SPMAP2L: variants seen among roughly 807,000 people sequenced by gnomAD.
SPMAP2L encodes the protein sperm microtubule associated protein 2-like.
the SPMAP2L span, among the ~76,000 whole-genome samples, chr4:56,542,566 C>T: frequency 6.6e-6 from 1 of 151,908 alleles, no homozygotes; most frequent in Non-Finnish European, 1.5e-5. Flanking sequence ...CATCAATAGA[C>T]CTTGTCCTCT....
At chr4:56,598,945 T>A in the SPMAP2L span, among the ~76,000 whole-genome samples, 1 of 152,064 alleles carries the variant, frequency 6.6e-6, no homozygotes. Flanking sequence ...TATAAGGGGC[T>A]TCCCCCTTCG....
the SPMAP2L span, among the ~76,000 whole-genome samples, chr4:56,570,569 T>C: frequency 6.6e-6 from 1 of 151,986 alleles, no homozygotes; most frequent in Non-Finnish European, 1.5e-5. Flanking sequence ...AGATAAGAAA[T>C]GGTACACCTG....
At chr4:56,624,619 G>T in the SPMAP2L span, among the ~76,000 whole-genome samples, 1,411 of 152,284 alleles carry the variant, frequency 9.3e-3, 14 homozygotes, top group African/African-American at 0.032. Flanking sequence ...CTCCAGCCTT[G>T]GCTGAAAAGG....
chr4:56,598,258 G>A, the SPMAP2L span, among the ~76,000 whole-genome samples: 139 of 152,298 alleles, frequency 9.1e-4, 2 homozygotes, highest in South Asian at 0.027. Context: ...AGGCAATCTG[G>A]TAGATGTGGT....
At chr4:56,581,825 T>C in the SPMAP2L span, among the ~76,000 whole-genome samples, 27 of 152,136 alleles carry the variant, frequency 1.8e-4, no homozygotes, top group Non-Finnish European at 2.2e-4. Context: ...AGGATAGACA[T>C]TTAGAGCAAT....
chr4:56,562,585 A>G, the SPMAP2L span, among the ~76,000 whole-genome samples: 2 of 152,004 alleles, frequency 1.3e-5, no homozygotes, highest in African/African-American at 2.4e-5. Context: ...CTCTAAATTC[A>G]CTCAAGTGCT....
chr4:56,531,601 T>A, the SPMAP2L span, among the ~76,000 whole-genome samples: 4 of 152,202 alleles, frequency 2.6e-5, 1 homozygote, highest in African/African-American at 4.8e-5. Flanking sequence ...AGGGAGGATA[T>A]TTTCGTCAGT....
At chr4:56,534,591 C>A in the SPMAP2L span, among the ~76,000 whole-genome samples, 1 of 152,154 alleles carries the variant, frequency 6.6e-6, no homozygotes, top group African/African-American at 2.4e-5. Context: ...TATAACCAGT[C>A]ATTGATTTAT....
chr4:56,594,837 A>C, the SPMAP2L span: 6 of 1,594,692 alleles, frequency 3.8e-6, no homozygotes, highest in Admixed American at 1.0e-4. Flanking sequence ...GTCTACCTAG[A>C]CGGGGCAAAT....
chr4:56,613,725 G>A, the SPMAP2L span, among the ~76,000 whole-genome samples: 33,235 of 152,042 alleles, frequency 0.22, 3,921 homozygotes, highest in East Asian at 0.41. Context: ...TTACCACATA[G>A]TTGACTACTG....
the SPMAP2L span, among the ~76,000 whole-genome samples, chr4:56,576,465 T>C: frequency 6.6e-6 from 1 of 152,300 alleles, no homozygotes; most frequent in South Asian, 2.1e-4. Context: ...GTCAGCTTAG[T>C]GGAGGAAAAT....
the SPMAP2L span, among the ~76,000 whole-genome samples, chr4:56,534,750 A>C: frequency 6.6e-6 from 1 of 152,142 alleles, no homozygotes; most frequent in Non-Finnish European, 1.5e-5. Context: ...AACATGGTGA[A>C]ACCCCGTCTC....
At chr4:56,601,230 T>C in the SPMAP2L span, 1 of 996,946 alleles carries the variant, frequency 1.0e-6, no homozygotes, top group Admixed American at 2.9e-5. Context: ...TTCCAAAACA[T>C]CTTACTTAAC....
chr4:56,561,200 T>C, the SPMAP2L span, among the ~76,000 whole-genome samples: 9 of 152,238 alleles, frequency 5.9e-5, no homozygotes, highest in African/African-American at 2.2e-4. Flanking sequence ...TCACTTCATT[T>C]TTTTGAACAC....
chr4:56,585,468 T>G, the SPMAP2L span, among the ~76,000 whole-genome samples: 4 of 152,198 alleles, frequency 2.6e-5, no homozygotes, highest in Non-Finnish European at 5.9e-5. Flanking sequence ...TACCCTGGCC[T>G]GAATAGTTGG....
At chr4:56,547,248 T>C in the SPMAP2L span, among the ~76,000 whole-genome samples, 1 of 151,408 alleles carries the variant, frequency 6.6e-6, no homozygotes, top group East Asian at 1.9e-4. Flanking sequence ...TTCTCTTTTT[T>C]TTTTTTTTTT....
chr4:56,590,622 C>T, the SPMAP2L span, among the ~76,000 whole-genome samples: 1 of 152,180 alleles, frequency 6.6e-6, no homozygotes, highest in South Asian at 2.1e-4. Context: ...ATCCACCACA[C>T]CCAGCCTTAT....
the SPMAP2L span, among the ~76,000 whole-genome samples, chr4:56,591,016 A>C: frequency 3.9e-5 from 6 of 152,222 alleles, no homozygotes; most frequent in Non-Finnish European, 7.3e-5. Context: ...TTAGAAATAA[A>C]AATGATACCC....
the SPMAP2L span, among the ~76,000 whole-genome samples, chr4:56,587,046 A>AT: frequency 6.6e-6 from 1 of 151,960 alleles, no homozygotes; most frequent in Non-Finnish European, 1.5e-5. Context: ...TTAAAAGTTG[A>AT]TTTTTCTTAG....
Sources: allele counts gnomAD v4.1 joint callset (sites outside exome capture counted in the v4.1 genomes callset), GRCh38; gene constraint gnomAD v4.1.1; transcripts MANE v1.5; gene names NCBI Gene and HGNC (gene_info 2026-07-23, HGNC 2026-07-21).